TICRR: variants seen among roughly 807,000 people sequenced by gnomAD.
TICRR encodes the protein treslin.
Under a neutral mutation model 178.1 loss-of-function variants are expected in TICRR, and 132 were observed. That is an observed-to-expected ratio of 0.74 (90% CI 0.64 to 0.86). TICRR has a LOEUF of 0.86. TICRR is among the 40% of genes least tolerant of loss of function. The probability of loss-of-function intolerance (pLI) is 0.00; values close to 1 mark genes in which losing one functional copy is unlikely to be tolerated. For missense variants in TICRR, 2,587 were observed against 2,334.3 expected, an observed-to-expected ratio of 1.11 and a Z score of -2.23; for synonymous variants, 991 against 900.7, an observed-to-expected ratio of 1.10 and a Z score of -1.79.
intron 13 of TICRR, among the ~76,000 whole-genome samples, chr15:89,604,216 T>C (rs968139518): frequency 1.3e-5 from 2 of 152,242 alleles, no homozygotes; most frequent in Non-Finnish European, 2.9e-5. Context: ...GTTTGTTCTG[T>C]TTCTAGATAT....
chr15:89,602,949 C>T, intron 13 of TICRR, 57 bp downstream of exon 13: 1 of 943,474 alleles, frequency 1.1e-6, no homozygotes, highest in Non-Finnish European at 1.5e-6. Context: ...AAGGCAGTGT[C>T]CCTACTTTTA....
In TICRR at chr15:89,575,831, C is replaced by T. The variant is rs1225454379; in HGVS notation, c.245C>T (p.Ala82Val). 6.3e-7 allele frequency: 1 copy of T among 1,595,068 alleles called. No homozygotes were observed. Among genetic ancestry groups the T allele is most frequent in the Non-Finnish European group, 8.5e-7 (1 of 1,172,780 alleles). ...SWEDFEEELE[A>V]RLEDRAHLPG... ...GAGGACTTTGAGGAGGAGCTGGAGG[C>T]CAGGCTCGAGGATCGCGCCCACCTG... The change falls in exon 1 of 22, where the codon GCC becomes GTC. Residue 82 changes from alanine (A) to valine (V), a missense_variant. Coordinates refer to ENST00000268138, the MANE Select transcript of TICRR (RefSeq NM_152259.4).
At chr15:89,584,893 T>C (rs905821152) in intron 3 of TICRR, among the ~76,000 whole-genome samples, 11 of 152,210 alleles carry the variant, frequency 7.2e-5, no homozygotes, top group African/African-American at 2.7e-4. Context: ...TGCTACACAG[T>C]AAAATTAGAT....
Position 89,599,371 on chromosome 15 carries a change from CAA to C in TICRR, c.1951_1952del (p.Lys651AspfsTer21), listed in dbSNP as rs1567044732. On this transcript the variant is annotated frameshift_variant, in exon 8 of 22. Coordinates refer to ENST00000268138, the MANE Select transcript of TICRR (RefSeq NM_152259.4). LOFTEE classifies it high-confidence loss of function. ...GCTATCATATATACGTGAAAATTACCAAAAGACTGTGGCCACAGGAGAAATCA... is the reference window on the plus strand; with the variant it reads ...GCTATCATATATACGTGAAAATTACCAAGACTGTGGCCACAGGAGAAATCA... ...ELLSYIRENY[Q>X]KTVATGEIML... is the part of the protein sequence containing the mutation. 1 of 1,612,668 alleles carries C rather than the reference CAA, an allele frequency of 6.2e-7. No individual in the cohort carries two copies.
At position 89,595,620 on chromosome 15, in the gene TICRR, C is replaced by T. The variant is rs549845279; in HGVS notation, c.1900+9C>T. Reference sequence around the variant, plus strand: ...AAGTTCTAAACCTAAAGGTATTCCTCTTAGTCTATAATTTACTCTTTTATA... The same window carrying T: ...AAGTTCTAAACCTAAAGGTATTCCTTTTAGTCTATAATTTACTCTTTTATA... On this transcript the variant is annotated intron_variant, in intron 7 of 21. Transcript: ENST00000268138. 7 of 1,606,648 alleles carry T rather than the reference C, an allele frequency of 4.4e-6. No homozygotes were observed. In the African/African-American group the frequency reaches 6.7e-5, roughly 15 times the overall value.
Position 89,601,803 on chromosome 15 carries a change from G to T in TICRR, c.2394G>T (p.Gln798His). 6.2e-7 allele frequency: 1 copy of T among 1,614,176 alleles called. No homozygotes were observed. The highest frequency in any genetic ancestry group is 1.1e-5 in the South Asian group (1 of 91,078). Reference sequence around the variant, plus strand: ...ACAGCCTAGGGTTTGTGATTCCTCAGAAGCTGGCTGGTGTCCTTCCTACAG... The same window carrying T: ...ACAGCCTAGGGTTTGTGATTCCTCATAAGCTGGCTGGTGTCCTTCCTACAG... ...LYNSLGFVIP[Q>H]KLAGVLPTDF... The change falls in exon 12 of 22, where the codon CAG becomes CAT. Residue 798 changes from glutamine to histidine, a missense_variant. Physicochemically the swap from Gln to His is conservative, Grantham distance 24. Coordinates refer to ENST00000268138, the MANE Select transcript of TICRR (RefSeq NM_152259.4).
chr15:89,625,739 G>A lies in TICRR; in HGVS notation c.5429G>A (p.Ser1810Asn), dbSNP rs749589575. The change falls in exon 20 of 22, where the codon AGT (serine) becomes AAT (asparagine). Residue 1810 changes from serine (S) to asparagine (N), a missense_variant. Physicochemically the swap from Ser to Asn is conservative, Grantham distance 46. Coordinates refer to ENST00000268138, the MANE Select transcript of TICRR (RefSeq NM_152259.4). ...SKSKEGSPSWSAWQLPSTGDE... is the reference protein window; with the variant it reads ...SKSKEGSPSWNAWQLPSTGDE... ...AGTAAAGAGGGGTCTCCAAGTTGGAGTGCATGGCAGCTACCCTCCACGGGA... is the reference window on the plus strand; with the variant it reads ...AGTAAAGAGGGGTCTCCAAGTTGGAATGCATGGCAGCTACCCTCCACGGGA... 81 of 1,612,872 alleles carry A rather than the reference G, an allele frequency of 5.0e-5. No homozygotes were observed. The highest frequency in any genetic ancestry group is 6.4e-5 in the Non-Finnish European group (75 of 1,179,780).
chr15:89,624,710 T>G lies in TICRR; in HGVS notation c.4400T>G (p.Leu1467Arg), dbSNP rs771752689. ...AGTGACACAGAGCATGTCACTCTCCTCAGTGAAGCCGAACACCATGGCATT... is the reference window on the plus strand; with the variant it reads ...AGTGACACAGAGCATGTCACTCTCCGCAGTGAAGCCGAACACCATGGCATT... ...ITSDTEHVTL[L>R]SEAEHHGIGD... is the part of the protein sequence containing the mutation. The change falls in exon 20 of 22, where the codon CTC (leucine) becomes CGC (arginine). Residue 1467 changes from leucine (L) to arginine (R), a missense_variant. Physicochemically the swap from Leu to Arg is moderately radical, Grantham distance 102. Coordinates refer to ENST00000268138, the MANE Select transcript of TICRR (RefSeq NM_152259.4). 1.5e-5 allele frequency: 25 copies of G among 1,614,036 alleles called. No homozygotes were observed. Among genetic ancestry groups the G allele is most frequent in the Non-Finnish European group, 2.0e-5 (24 of 1,180,038 alleles).
rs1426140297 is a variant in TICRR, at chr15:89,585,898, T to C, written c.1367T>C (p.Ile456Thr). 3 of 1,614,168 alleles carry C rather than the reference T, an allele frequency of 1.9e-6. No homozygotes were observed. Among genetic ancestry groups the C allele is most frequent in the South Asian group, 1.1e-5 (1 of 91,068 alleles). Reference sequence around the variant, plus strand: ...CTTTTCTCAGATGTTGTGGATAGTATATTGAATCAGACTCATGATTCGCTT... The same window carrying C: ...CTTTTCTCAGATGTTGTGGATAGTACATTGAATCAGACTCATGATTCGCTT... ...ASLFSDVVDSILNQTHDSLAD... is the reference protein window; with the variant it reads ...ASLFSDVVDSTLNQTHDSLAD... Residue 456 changes from isoleucine (I) to threonine (T), a missense_variant, in exon 4 of 22, where the codon ATA becomes ACA. Ile to Thr is a moderately conservative substitution (Grantham distance 89). Coordinates refer to ENST00000268138, the MANE Select transcript of TICRR (RefSeq NM_152259.4).
At chr15:89,619,910 A>T in intron 18 of TICRR, 68 bp downstream of exon 18, 1 of 1,532,700 alleles carries the variant, frequency 6.5e-7, no homozygotes, top group South Asian at 1.3e-5. Context: ...TTGGGAAAAG[A>T]AGCAAGAAAT....
At chr15:89,617,847 A>G (rs1963360093) in intron 16 of TICRR, among the ~76,000 whole-genome samples, 1 of 152,072 alleles carries the variant, frequency 6.6e-6, no homozygotes, top group Non-Finnish European at 1.5e-5. Flanking sequence ...GCATGCCACC[A>G]CGCCCAGCTA....
In TICRR at chr15:89,576,213, C is replaced by A; in HGVS notation, c.627C>A (p.Tyr209Ter). ...EVMVARKITFYWVDTTEWSKL... is the reference protein window; with the variant it reads ...EVMVARKITF ...TGGTCGCCCGAAAAATCACCTTCTA[C>A]TGGGTGGATACCACCGAATGGTCTA... The change falls in exon 1 of 22, where the codon TAC (tyrosine) becomes TAA (stop). Residue 209 changes from tyrosine (Y) to a stop codon, truncating the protein, a stop_gained. Coordinates refer to ENST00000268138, the MANE Select transcript of TICRR (RefSeq NM_152259.4). LOFTEE classifies it high-confidence loss of function. 6.3e-7 allele frequency: 1 copy of A among 1,591,578 alleles called. No individual in the cohort carries two copies. The highest frequency in any genetic ancestry group is 8.5e-7 in the Non-Finnish European group (1 of 1,175,224).
chr15:89,601,842 T>C lies in TICRR; in HGVS notation c.2433T>C (p.Asp811=). ...AGVLPTDFFS[D]DSMTQENKSP... is the part of the protein sequence containing the mutation. ...TCCTTCCTACAGATTTTTTCAGTGA[T>C]GACTCCATGACACAAGAGAACAAAT... is the stretch of plus-strand genomic sequence containing the variant. The change falls in exon 12 of 22, where the codon GAT becomes GAC. Residue 811 remains aspartate, a synonymous_variant. Transcript: ENST00000268138. 1 of 1,614,192 alleles carries C rather than the reference T, an allele frequency of 6.2e-7. No homozygotes were observed. The highest frequency in any genetic ancestry group is 1.3e-5 in the African/African-American group (1 of 75,052).
rs140041349 is a variant in TICRR at position 89,625,416 on chromosome 15, G to C, written c.5106G>C (p.Arg1702Ser). Residue 1702 changes from arginine to serine, a missense_variant, in exon 20 of 22, where the codon AGG becomes AGC. Physicochemically the swap from Arg to Ser is moderately radical, Grantham distance 110. Transcript: ENST00000268138. ...GTGGCGCCGGCTCCTCTTCCGGGAG[G>C]GGCGAGGTCGGTGCAGACCTTCCTG... is the stretch of plus-strand genomic sequence containing the variant. ...VGCGAGSSSG[R>S]GEVGADLPGS... 81 of 1,613,850 alleles carry C rather than the reference G, an allele frequency of 5.0e-5. No individual in the cohort carries two copies. The highest frequency in any genetic ancestry group is 6.6e-5 in the Non-Finnish European group (78 of 1,180,020).
chr15:89,584,932 T>C (rs1205247799), intron 3 of TICRR, among the ~76,000 whole-genome samples: 1 of 152,248 alleles, frequency 6.6e-6, no homozygotes, highest in East Asian at 1.9e-4. Flanking sequence ...TGTAACTATA[T>C]ACAATGTAAT....
Position 89,592,799 on chromosome 15 carries a change from G to A in TICRR, c.1541+623G>A, listed in dbSNP as rs76286667. On this transcript the variant is annotated intron_variant, in intron 5 of 21. Transcript: ENST00000268138. ...CAGAAATTCAAACTATTATTAAGAG[G>A]TATGGTTGACGTTTATTTTCTCCAC... 9.6e-3 allele frequency among the ~76,000 whole-genome samples: 1,456 copies of A among 152,290 alleles called. 26 individuals carry two copies. Among genetic ancestry groups the A allele is most frequent in the African/African-American group, 0.034 (1,404 of 41,552 alleles).
intron 7 of TICRR, among the ~76,000 whole-genome samples, chr15:89,596,262 G>A (rs1341106248): frequency 6.6e-6 from 1 of 151,988 alleles, no homozygotes; most frequent in Non-Finnish European, 1.5e-5. Context: ...TTGTATTCCT[G>A]CTATTTTTAA....
At chr15:89,618,123 A>T (rs1441823213) in intron 16 of TICRR, 29 bp from the exon 17 acceptor site, 8 of 1,607,384 alleles carry the variant, frequency 5.0e-6, no homozygotes, top group African/African-American at 1.3e-5. Flanking sequence ...AGTGGTATGG[A>T]GTAATCCTTG....
At chr15:89,602,378 A>G (rs1400857909) in intron 12 of TICRR, among the ~76,000 whole-genome samples, 2 of 151,760 alleles carry the variant, frequency 1.3e-5, no homozygotes, top group Non-Finnish European at 2.9e-5. Flanking sequence ...TGTAATGCCA[A>G]TATCAAGTGT....
Sources: gnomAD v4.1 joint callset for allele counts (sites outside exome capture counted in the v4.1 genomes callset) on GRCh38, gnomAD v4.1.1 for gene constraint, MANE v1.5 for transcripts, NCBI Gene and HGNC (gene_info 2026-07-23, HGNC 2026-07-21) for gene names.